PCDHGA9: variants seen among roughly 807,000 people sequenced by gnomAD.
The protein encoded by PCDHGA9 is protocadherin gamma-A9.
A neutral mutation model predicts 62.5 loss-of-function variants in PCDHGA9; 37 were observed. The ratio of observed to expected loss-of-function variants is 0.59; its 90% CI spans 0.46 to 0.78. The LOEUF is 0.78. Among genes scored for constraint, PCDHGA9 ranks in the 30% least tolerant of loss-of-function variants. The probability of loss-of-function intolerance (pLI) is 0.00; values close to 1 mark genes in which losing one functional copy is unlikely to be tolerated. For missense variants in PCDHGA9, 1,138 were observed against 1,166.2 expected (o/e 0.98, Z 0.35); for synonymous variants, 459 against 484.6 (o/e 0.95, Z 0.69).
At chr5:141,427,814 G>T in intron 1 of PCDHGA9, 2 of 1,526,562 alleles carry the variant, frequency 1.3e-6, no homozygotes, top group South Asian at 2.2e-5. Context: ...CACAGAGCGG[G>T]GTGGTGGTCG....
At position 141,477,754 on chromosome 5, in the gene PCDHGA9, C is replaced by T. The variant is rs1325020341; in HGVS notation, c.2425-17053C>T. The T allele has an allele frequency of 3.7e-6, 6 of 1,613,928 alleles. No homozygotes were observed. Among genetic ancestry groups the T allele is most frequent in the Non-Finnish European group, 5.1e-6 (6 of 1,180,046 alleles). On this transcript the variant is annotated intron_variant, in intron 1 of 3. Coordinates refer to ENST00000573521, the MANE Select transcript of PCDHGA9 (RefSeq NM_018921.3). The surrounding 1 kb of genome is among the most constrained non-coding windows in gnomAD (Gnocchi z 4.9). Reference sequence around the variant, plus strand: ...ATATCAGCGATGGGGGCACCCCGGTCCTAGCCACCAACATCAGCGTGAACA... The same window carrying T: ...ATATCAGCGATGGGGGCACCCCGGTTCTAGCCACCAACATCAGCGTGAACA...
intron 2 of PCDHGA9, among the ~76,000 whole-genome samples, chr5:141,503,010 A>T (rs1595838084): frequency 6.8e-6 from 1 of 146,772 alleles, no homozygotes; most frequent in East Asian, 2.0e-4. Context: ...TGCCCGGTTA[A>T]TTTTTTTTTT....
intron 2 of PCDHGA9, among the ~76,000 whole-genome samples, chr5:141,504,572 A>G (rs184273457): frequency 6.7e-6 from 1 of 148,962 alleles, no homozygotes; most frequent in Admixed American, 6.9e-5. Flanking sequence ...TCTAGGGAAC[A>G]CCATCTGCCC....
intron 1 of PCDHGA9, chr5:141,423,611 C>T: frequency 1.1e-5 from 18 of 1,611,094 alleles, no homozygotes; most frequent in Non-Finnish European, 1.5e-5. Flanking sequence ...CTCTTGATAG[C>T]TGAAGACTCA....
chr5:141,459,289 A>G (rs2098965378), intron 1 of PCDHGA9, among the ~76,000 whole-genome samples: 1 of 152,216 alleles, frequency 6.6e-6, no homozygotes, highest in Non-Finnish European at 1.5e-5. Flanking sequence ...ATCTAAATGG[A>G]ATCCTATAAC....
At position 141,476,813 on chromosome 5, in the gene PCDHGA9, A is replaced by G. The variant is rs749333814; in HGVS notation, c.2425-17994A>G. The G allele has an allele frequency of 6.8e-6, 11 of 1,613,548 alleles. No individual in the cohort carries two copies. Among genetic ancestry groups the G allele is most frequent in the Non-Finnish European group, 9.3e-6 (11 of 1,180,022 alleles). On this transcript the variant is annotated intron_variant, in intron 1 of 3. Transcript: ENST00000573521. The surrounding 1 kb of genome is among the most constrained non-coding windows in gnomAD (Gnocchi z 7.6). ...CTCCGCCAGCCTGCCTATTCACATC[A>G]AGGTGCTGGACGCGAATGACAATGC...
chr5:141,485,193 G>T lies in PCDHGA9; in HGVS notation c.2425-9614G>T. The T allele has an allele frequency of 6.2e-7, 1 of 1,613,988 alleles. No homozygotes were observed. Among genetic ancestry groups the T allele is most frequent in the Non-Finnish European group, 8.5e-7 (1 of 1,179,852 alleles). The stretch of plus-strand genomic sequence containing the variant: ...GCAGCAATGCTCCGCAAGGTGAGAA[G>T]CTGGACAGAAATCTGGCGGTGGGCT... On this transcript the variant is annotated intron_variant, in intron 1 of 3. Transcript: ENST00000573521. The surrounding 1 kb of genome is among the most constrained non-coding windows in gnomAD (Gnocchi z 5.7).
At position 141,511,420 on chromosome 5, in the gene PCDHGA9, G is replaced by A; in HGVS notation, c.*247G>A. On this transcript the variant is annotated 3_prime_UTR_variant, in exon 4 of 4. Coordinates refer to ENST00000573521, the MANE Select transcript of PCDHGA9 (RefSeq NM_018921.3). ...TCCAATCAACTGCTGTACCCATGGG[G>A]GTAGTGGGGTTACTGTAGACACCAA... 2.4e-6 allele frequency: 2 copies of A among 830,862 alleles called. No individual in the cohort carries two copies. Among genetic ancestry groups the A allele is most frequent in the Non-Finnish European group, 1.8e-6 (1 of 557,336 alleles). The allele number at this position is 830,862 out of a possible 1,614,324, so 51.5% of individuals were successfully genotyped here.
intron 1 of PCDHGA9, chr5:141,414,464 A>G (rs1331771342): frequency 1.2e-6 from 2 of 1,613,904 alleles, no homozygotes; most frequent in African/African-American, 1.3e-5. Context: ...ACAGCCACAG[A>G]TGGGGGAAGT....
At chr5:141,429,297 T>C (rs985228754) in intron 1 of PCDHGA9, 7 of 152,208 alleles carry the variant, frequency 4.6e-5, no homozygotes, top group Admixed American at 3.3e-4. Flanking sequence ...GGGACATCAA[T>C]ATTTGAGTAT....
intron 1 of PCDHGA9, among the ~76,000 whole-genome samples, chr5:141,452,476 C>T (rs968627914): frequency 6.6e-6 from 1 of 152,216 alleles, no homozygotes; most frequent in Admixed American, 6.5e-5. Context: ...AGGAAAAACA[C>T]ACATAAACAC....
chr5:141,494,491 T>C (rs2099754727), intron 1 of PCDHGA9, among the ~76,000 whole-genome samples: 1 of 152,150 alleles, frequency 6.6e-6, no homozygotes, highest in Admixed American at 6.5e-5. Context: ...AGAAGATGCC[T>C]TCAGTCCTTG....
chr5:141,415,752 T>G lies in PCDHGA9; in HGVS notation c.2424+10376T>G, dbSNP rs981275270. ...GATGTTTATTAAGGTTTTTTTTTTT[T>G]TTTTTTTTTTTTTTTTTTTTACTTT... On this transcript the variant is annotated intron_variant, in intron 1 of 3. Transcript: ENST00000573521. 5.6e-5 allele frequency: 77 copies of G among 1,372,446 alleles called. No individual in the cohort carries two copies. In the East Asian group the frequency reaches 6.8e-4, roughly 12 times the overall value. 85.0% of individuals were successfully genotyped at this position (1,372,446 alleles called of 1,614,324 possible).
At chr5:141,440,868 T>A (rs1288344051) in intron 1 of PCDHGA9, 1 of 152,150 alleles carries the variant, frequency 6.6e-6, no homozygotes, top group East Asian at 1.9e-4. Flanking sequence ...ATCTAGGATG[T>A]GTACAGCGTC....
At position 141,486,694 on chromosome 5, in the gene PCDHGA9, C is replaced by T. The variant is rs1275794121; in HGVS notation, c.2425-8113C>T. ...ATCGAGATGTATCAGCTTCCTCTTTCATCTCTCTGAACCCCCAGACAGGAG... is the reference window on the plus strand; with the variant it reads ...ATCGAGATGTATCAGCTTCCTCTTTTATCTCTCTGAACCCCCAGACAGGAG... On this transcript the variant is annotated intron_variant, in intron 1 of 3. Transcript: ENST00000573521. This position sits in a 1 kb window ranked among gnomAD's most constrained non-coding sequence, Gnocchi z 5.0. 1.2e-6 allele frequency: 2 copies of T among 1,614,168 alleles called. No individual in the cohort carries two copies. Among genetic ancestry groups the T allele is most frequent in the Non-Finnish European group, 1.7e-6 (2 of 1,180,044 alleles).
chr5:141,414,868 G>C, intron 1 of PCDHGA9: 1 of 1,614,216 alleles, frequency 6.2e-7, no homozygotes, highest in Non-Finnish European at 8.5e-7. Flanking sequence ...CAATGCGCCC[G>C]AGATCCTGTA....
chr5:141,419,616 AC>A, intron 1 of PCDHGA9: 1 of 1,612,204 alleles, frequency 6.2e-7, no homozygotes, highest in Non-Finnish European at 8.5e-7. Flanking sequence ...CAGCCAGGCT[AC>A]CTGGTGACCA....
chr5:141,450,085 C>T (rs997781052), intron 1 of PCDHGA9, among the ~76,000 whole-genome samples: 3 of 149,208 alleles, frequency 2.0e-5, no homozygotes, highest in Non-Finnish European at 4.4e-5. Context: ...TGGCTCACTG[C>T]AACCTCCGCC....
At chr5:141,409,402 C>G (rs2095262140) in intron 1 of PCDHGA9, 2 of 1,613,924 alleles carry the variant, frequency 1.2e-6, no homozygotes, top group Non-Finnish European at 8.5e-7. Context: ...CTTCCAATAA[C>G]TACTACAAAC....
Sources: allele counts gnomAD v4.1 joint callset (sites outside exome capture counted in the v4.1 genomes callset), GRCh38; gene constraint gnomAD v4.1.1; non-coding constraint Gnocchi (gnomAD v3.1); transcripts MANE v1.5; gene names NCBI Gene and HGNC (gene_info 2026-07-23, HGNC 2026-07-21).